Variants in XPO1 observed in about 807,000 individuals in gnomAD.
XPO1 encodes exportin 1.
Under a neutral mutation model 133.3 loss-of-function variants are expected in XPO1, and 5 were observed. That is an observed-to-expected ratio of 0.04 (90% CI 0.02 to 0.08). XPO1 has a LOEUF of 0.08. Among genes scored for constraint, XPO1 ranks in the 10% least tolerant of loss-of-function variants. XPO1 has a pLI of 1.00. For missense variants in XPO1, 506 were observed against 1,267.5 expected, an observed-to-expected ratio of 0.40 and a Z score of 9.12; for synonymous variants, 419 against 408.2, an observed-to-expected ratio of 1.03 and a Z score of -0.32.
intron 24 of XPO1, chr2:61,480,170 T>G (rs1044244076): frequency 1.3e-5 from 2 of 151,116 alleles, no homozygotes; most frequent in Non-Finnish European, 3.0e-5. Flanking sequence ...CAGCTAAAAA[T>G]TCTTCATATG....
intron 6 of XPO1, among the ~76,000 whole-genome samples, chr2:61,500,604 G>A (rs1371473089): frequency 1.1e-5 from 1 of 92,628 alleles, no homozygotes; most frequent in Admixed American, 9.9e-5. Flanking sequence ...AAAAAGAGCA[G>A]CCTGGCCAAC....
rs1573090206 is a variant in XPO1, at chr2:61,478,797, A to G, written c.*23T>C. 1 of 1,610,972 alleles carries G rather than the reference A, an allele frequency of 6.2e-7. No individual in the cohort carries two copies. Among genetic ancestry groups the G allele is most frequent in the Non-Finnish European group, 8.5e-7 (1 of 1,178,492 alleles). The stretch of plus-strand genomic sequence containing the variant: ...TCCTCTGCTAACGAGTTGCAGAGAA[A>G]AAAAACAGCATGAATTTGGATTTTA... On this transcript the variant is annotated 3_prime_UTR_variant, in exon 25 of 25. Coordinates refer to ENST00000401558, the MANE Select transcript of XPO1 (RefSeq NM_003400.4).
At chr2:61,509,073 T>C (rs1466655551) in intron 4 of XPO1, among the ~76,000 whole-genome samples, 1 of 152,082 alleles carries the variant, frequency 6.6e-6, no homozygotes, top group East Asian at 1.9e-4. Flanking sequence ...CTATCTCCGC[T>C]CACTGCAACC....
At chr2:61,531,879 A>C (rs538231210) in intron 2 of XPO1, among the ~76,000 whole-genome samples, 1 of 152,344 alleles carries the variant, frequency 6.6e-6, no homozygotes, top group South Asian at 2.1e-4. Context: ...AAACGCCCTA[A>C]AAGTATAAAC....
intron 2 of XPO1, among the ~76,000 whole-genome samples, chr2:61,528,027 A>G (rs904934126): frequency 6.6e-6 from 1 of 151,536 alleles, no homozygotes; most frequent in African/African-American, 2.4e-5. Context: ...CCCGGGTTCA[A>G]GCAATTCTCC....
At chr2:61,520,012 T>C (rs2104724009) in intron 4 of XPO1, among the ~76,000 whole-genome samples, 1 of 152,272 alleles carries the variant, frequency 6.6e-6, no homozygotes, top group East Asian at 1.9e-4. Flanking sequence ...TTCCCAACTA[T>C]AACACTGTGA....
intron 4 of XPO1, among the ~76,000 whole-genome samples, chr2:61,514,501 G>C (rs942808824): frequency 2.0e-5 from 3 of 151,556 alleles, no homozygotes; most frequent in African/African-American, 7.3e-5. Flanking sequence ...GCTGAGGCAG[G>C]AGAATCGCTT....
chr2:61,519,990 ATG>A (rs1698610643), intron 4 of XPO1, among the ~76,000 whole-genome samples: 1 of 152,216 alleles, frequency 6.6e-6, no homozygotes, highest in Admixed American at 6.5e-5. Flanking sequence ...CCTCTTTTAC[ATG>A]TGTTTTGTCT....
chr2:61,493,161 C>A (rs1276331937), intron 12 of XPO1, 108 bp from the exon 13 acceptor site: 8 of 1,144,174 alleles, frequency 7.0e-6, no homozygotes, highest in Non-Finnish European at 9.6e-6. Context: ...ACAAGCCAGC[C>A]ATGTGTAGGG....
Position 61,534,061 on chromosome 2 carries a change from CA to C in XPO1, c.-6-159del, listed in dbSNP as rs749096055. The C allele has an allele frequency of 1.2e-4, 85 of 684,656 alleles. No homozygotes were observed. In the East Asian group the frequency reaches 2.2e-3, roughly 18 times the overall value. 42.4% of individuals were successfully genotyped at this position (684,656 alleles called of 1,614,324 possible). A position where few individuals can be genotyped will look rare whatever the true frequency, so the allele number is the denominator to read the frequency against. On this transcript the variant is annotated intron_variant, in intron 1 of 24. Coordinates refer to ENST00000401558, the MANE Select transcript of XPO1 (RefSeq NM_003400.4). The stretch of plus-strand genomic sequence containing the variant: ...AAACTGAGATAGTAAAAGCAAGTAA[CA>C]AAAGCTGAAATTACTTAGCTATTTG...
At chr2:61,518,179 G>A (rs1272874532) in intron 4 of XPO1, among the ~76,000 whole-genome samples, 5 of 151,538 alleles carry the variant, frequency 3.3e-5, no homozygotes, top group African/African-American at 1.2e-4. Flanking sequence ...CTGGAGCCCA[G>A]GAGTTCCAGG....
At chr2:61,484,462 A>G (rs189627348) in intron 20 of XPO1, 70 of 183,130 alleles carry the variant, frequency 3.8e-4, no homozygotes, top group Admixed American at 6.2e-4. Flanking sequence ...TGTCCACTTA[A>G]CGTATCTTTT....
chr2:61,519,068 A>G (rs1232378581), intron 4 of XPO1, among the ~76,000 whole-genome samples: 1 of 152,072 alleles, frequency 6.6e-6, no homozygotes, highest in South Asian at 2.1e-4. Flanking sequence ...CTCTTGCCTC[A>G]GCCTCCTGAG....
At chr2:61,485,648 G>T in intron 20 of XPO1, 120 bp downstream of exon 20, 2 of 951,996 alleles carry the variant, frequency 2.1e-6, no homozygotes, top group South Asian at 2.0e-5. Flanking sequence ...TAATATACAA[G>T]TTTAAATATT....
intron 4 of XPO1, among the ~76,000 whole-genome samples, chr2:61,521,129 T>A (rs1056591848): frequency 6.6e-6 from 1 of 152,200 alleles, no homozygotes; most frequent in Non-Finnish European, 1.5e-5. Flanking sequence ...TCCTGCACTA[T>A]CACTCTTAAT....
At chr2:61,497,118 G>A (rs1558644725) in intron 9 of XPO1, 111 bp from the exon 10 acceptor site, 1 of 1,339,640 alleles carries the variant, frequency 7.5e-7, no homozygotes, top group South Asian at 1.6e-5. Context: ...AGGGGTAGAT[G>A]TCAAAAACAG....
chr2:61,518,225 C>T (rs1000950230), intron 4 of XPO1, among the ~76,000 whole-genome samples: 9 of 151,768 alleles, frequency 5.9e-5, no homozygotes, highest in Non-Finnish European at 1.0e-4. Flanking sequence ...TGTACTCCAG[C>T]CTGAGCAACA....
In XPO1 at chr2:61,492,553, T is replaced by TATCCCTTGC; in HGVS notation, c.1566+5_1566+13dup. Reference sequence around the variant, plus strand: ...TTATTTAGCAATTCTAATTCATACCTATCCCTTGCATACCTTTATAACAGT... The same window carrying TATCCCTTGC: ...TTATTTAGCAATTCTAATTCATACCTATCCCTTGCATCCCTTGCATACCTTTATAACAGT... On this transcript the variant is annotated intron_variant, in intron 14 of 24. Transcript: ENST00000401558. The surrounding 1 kb of genome is among the most constrained non-coding windows in gnomAD (Gnocchi z 5.6). 1 of 1,605,368 alleles carries TATCCCTTGC rather than the reference T, an allele frequency of 6.2e-7. No homozygotes were observed.
At chr2:61,509,872 A>C (rs184570764) in intron 4 of XPO1, among the ~76,000 whole-genome samples, 1 of 152,312 alleles carries the variant, frequency 6.6e-6, no homozygotes, top group African/African-American at 2.4e-5. Context: ...GTTTCGAATC[A>C]ATTTCAGTTT....
Sources: gnomAD v4.1 joint callset for allele counts (sites outside exome capture counted in the v4.1 genomes callset) on GRCh38, gnomAD v4.1.1 for gene constraint, Gnocchi (gnomAD v3.1) non-coding constraint, MANE v1.5 for transcripts, NCBI Gene and HGNC (gene_info 2026-07-23, HGNC 2026-07-21) for gene names.